Variants in CPNE8 observed in about 807,000 individuals in gnomAD.
CPNE8 encodes the protein copine-8.
CPNE8 carries 45 observed loss-of-function variants against 81.5 expected under a neutral mutation model. The observed-to-expected ratio is 0.55, with a 90% confidence interval of 0.44 to 0.71. CPNE8 has a LOEUF of 0.71. Ranked by LOEUF, CPNE8 falls within the 30% of genes least tolerant of loss-of-function variation. The probability of loss-of-function intolerance (pLI) is 0.00; values close to 1 mark genes in which losing one functional copy is unlikely to be tolerated. For missense variants in CPNE8, 594 were observed against 672.1 expected (o/e 0.88, Z 1.28); for synonymous variants, 252 against 226.3 (o/e 1.11, Z -1.02).
At chr12:38,855,003 C>A (rs1285859662) in intron 3 of CPNE8, among the ~76,000 whole-genome samples, 1 of 151,980 alleles carries the variant, frequency 6.6e-6, no homozygotes, top group East Asian at 1.9e-4. Context: ...AGAGAAAGTT[C>A]TAGACTCCAC....
At chr12:38,872,850 A>G (rs773262526) in intron 3 of CPNE8, among the ~76,000 whole-genome samples, 154 bp downstream of exon 3, 15 of 152,232 alleles carry the variant, frequency 9.9e-5, no homozygotes, top group African/African-American at 1.4e-4. Context: ...GTTATTAAAA[A>G]CAAAACACAA....
At chr12:38,712,348 AAC>A (rs1445883827) in intron 13 of CPNE8, among the ~76,000 whole-genome samples, 1 of 151,724 alleles carries the variant, frequency 6.6e-6, no homozygotes, top group East Asian at 1.9e-4. Context: ...TAGCTGGGAG[AAC>A]ACACATGTGC....
chr12:38,663,391 A>ATT (rs1309232412), intron 19 of CPNE8, among the ~76,000 whole-genome samples: 1 of 152,160 alleles, frequency 6.6e-6, no homozygotes, highest in African/African-American at 2.4e-5. Flanking sequence ...ATGGCCAAAA[A>ATT]TAAATGAGAA....
At chr12:38,838,180 AAGAAACAC>A (rs1437756552) in intron 5 of CPNE8, among the ~76,000 whole-genome samples, 1 of 152,188 alleles carries the variant, frequency 6.6e-6, no homozygotes, top group African/African-American at 2.4e-5. Context: ...AGTTTGAACT[AAGAAACAC>A]AGAAACTATA....
At chr12:38,660,813 T>C (rs920751577) in intron 19 of CPNE8, among the ~76,000 whole-genome samples, 7 of 152,060 alleles carry the variant, frequency 4.6e-5, no homozygotes, top group Non-Finnish European at 7.4e-5. Context: ...TATGAACAGA[T>C]ACTTCTCAAA....
rs187673792 is a variant in CPNE8, at chr12:38,810,172, C to T, written c.407+19207G>A. Among the ~76,000 whole-genome samples, 1,039 of 152,242 alleles carry T rather than the reference C, an allele frequency of 6.8e-3. 9 individuals are homozygous for T. The highest frequency in any genetic ancestry group is 0.014 in the Middle Eastern group (4 of 294). ...TCTCTTTTAGTCCAAGTTGGCAGTGCTTCTGCTGACAAAAAATCCTCAAGA... is the reference window on the plus strand; with the variant it reads ...TCTCTTTTAGTCCAAGTTGGCAGTGTTTCTGCTGACAAAAAATCCTCAAGA... On this transcript the variant is annotated intron_variant, in intron 6 of 19. Coordinates refer to ENST00000331366, the MANE Select transcript of CPNE8 (RefSeq NM_153634.3).
intron 10 of CPNE8, among the ~76,000 whole-genome samples, chr12:38,746,292 G>A (rs576057564): frequency 2.0e-5 from 3 of 150,110 alleles, no homozygotes; most frequent in East Asian, 4.1e-4. Flanking sequence ...TATTTTATGT[G>A]GTAACTTGGT....
intron 10 of CPNE8, among the ~76,000 whole-genome samples, chr12:38,736,524 A>T (rs1403522): frequency 5.7e-5 from 5 of 88,152 alleles, no homozygotes; most frequent in African/African-American, 1.3e-4. Context: ...ATTATTTTTT[A>T]AAAAAAAGAA....
At chr12:38,814,094 G>A (rs1010351700) in intron 6 of CPNE8, among the ~76,000 whole-genome samples, 32 of 152,058 alleles carry the variant, frequency 2.1e-4, no homozygotes, top group Non-Finnish European at 1.5e-5. Flanking sequence ...GCATGAGGTA[G>A]AAGCAGAACT....
chr12:38,813,678 T>G (rs1372482085), intron 6 of CPNE8, among the ~76,000 whole-genome samples: 1 of 152,198 alleles, frequency 6.6e-6, no homozygotes, highest in Non-Finnish European at 1.5e-5. Context: ...GCAGTAGGTT[T>G]AAACTTTGTT....
intron 10 of CPNE8, among the ~76,000 whole-genome samples, chr12:38,752,410 C>T: frequency 6.6e-6 from 1 of 152,168 alleles, no homozygotes; most frequent in Non-Finnish European, 1.5e-5. Context: ...TTTCTGTGTG[C>T]CTGGCTATTA....
chr12:38,717,429 GTATATATATATATA>G (rs57044387), intron 13 of CPNE8, among the ~76,000 whole-genome samples: 14 of 87,034 alleles, frequency 1.6e-4, no homozygotes, highest in East Asian at 1.4e-3. Flanking sequence ...AAAGTGTGGT[GTATATATATATATA>G]TATATATATA....
chr12:38,879,270 G>A (rs995285830), intron 1 of CPNE8, among the ~76,000 whole-genome samples: 70 of 151,956 alleles, frequency 4.6e-4, no homozygotes, highest in African/African-American at 1.5e-3. Flanking sequence ...TTGCCAGATA[G>A]GAAGCAGCCC....
At chr12:38,828,128 A>G (rs1035815364) in intron 6 of CPNE8, among the ~76,000 whole-genome samples, 5 of 152,202 alleles carry the variant, frequency 3.3e-5, no homozygotes, top group Admixed American at 3.3e-4. Context: ...TATATTATTG[A>G]TTCTTTTTAA....
intron 17 of CPNE8, chr12:38,676,289 C>T: frequency 3.0e-6 from 3 of 984,408 alleles, no homozygotes; most frequent in Non-Finnish European, 3.6e-6. Context: ...ACTCTCTGCA[C>T]ACATTAATCC....
chr12:38,806,184 A>C (rs1348337041), intron 6 of CPNE8, among the ~76,000 whole-genome samples: 1 of 150,304 alleles, frequency 6.7e-6, no homozygotes, highest in Non-Finnish European at 1.5e-5. Flanking sequence ...ATGAGGAGGA[A>C]CTGGTAGCAT....
At chr12:38,891,359 C>T (rs1051318069) in intron 1 of CPNE8, among the ~76,000 whole-genome samples, 2 of 151,756 alleles carry the variant, frequency 1.3e-5, no homozygotes, top group Non-Finnish European at 2.9e-5. Flanking sequence ...CTTTGTAGAA[C>T]GTTATATAAA....
chr12:38,837,022 T>TTTAAAAATA (rs1331681258), intron 5 of CPNE8, among the ~76,000 whole-genome samples: 2 of 152,076 alleles, frequency 1.3e-5, no homozygotes, highest in Non-Finnish European at 2.9e-5. Flanking sequence ...CTAAATATAT[T>TTTAAAAATA]TTAAAAATAT....
rs183417562 is a variant in CPNE8 at position 38,855,288 on chromosome 12, A to G, written c.187-6626T>C. ...TCTATGTTCATGGACTGAAAATTGA[A>G]TATAGCTAAAATGGCCATATTACAT... is the stretch of plus-strand genomic sequence containing the variant. On this transcript the variant is annotated intron_variant, in intron 3 of 19. Coordinates refer to ENST00000331366, the MANE Select transcript of CPNE8 (RefSeq NM_153634.3). 4.9e-3 allele frequency among the ~76,000 whole-genome samples: 747 copies of G among 152,264 alleles called. 3 individuals are homozygous for G. The highest frequency in any genetic ancestry group is 6.8e-3 in the Non-Finnish European group (460 of 67,954).
Sources: gnomAD v4.1 joint callset for allele counts (sites outside exome capture counted in the v4.1 genomes callset) on GRCh38, gnomAD v4.1.1 for gene constraint, MANE v1.5 for transcripts, NCBI Gene and HGNC (gene_info 2026-07-23, HGNC 2026-07-21) for gene names.